Variants in MED23 observed in about 807,000 individuals in gnomAD.
The protein encoded by MED23 is mediator of RNA polymerase II transcription subunit 23.
In MED23, 105 loss-of-function variants were observed where a neutral mutation model predicts 163.9. The ratio of observed to expected loss-of-function variants is 0.64; its 90% CI spans 0.55 to 0.75. MED23 has a LOEUF of 0.75. Ranked by LOEUF, MED23 falls within the 30% of genes least tolerant of loss-of-function variation. MED23 has a pLI of 0.00. For synonymous variants in MED23, 561 were observed against 565.6 expected (o/e 0.99, Z 0.12); for missense variants, 1,054 against 1,649.0 (o/e 0.64, Z 6.25).
intron 9 of MED23, among the ~76,000 whole-genome samples, chr6:131,617,185 G>C (rs927298858): frequency 1.3e-5 from 2 of 150,688 alleles, no homozygotes; most frequent in Non-Finnish European, 3.0e-5. Flanking sequence ...TGGTTTCTAA[G>C]TCATCTTACG....
At chr6:131,607,081 C>T (rs1431991708) in intron 12 of MED23, among the ~76,000 whole-genome samples, 1 of 151,778 alleles carries the variant, frequency 6.6e-6, no homozygotes, top group Non-Finnish European at 1.5e-5. Flanking sequence ...AACATATTGA[C>T]TATTAATGGG....
At position 131,627,643 on chromosome 6, in the gene MED23, A is replaced by G; in HGVS notation, c.69T>C (p.Pro23=). The change falls in exon 2 of 29, where the codon CCT becomes CCC. Residue 23 remains proline (P), a splice_region_variant and synonymous_variant. Coordinates refer to ENST00000368068, the MANE Select transcript of MED23 (RefSeq NM_004830.4). The part of the protein sequence containing the change: ...VKTEVIEEAF[P]GMFMDTPEDE... ...AACTCTGCCACGCATACACTCACCC[A>G]GGAAAAGCCTCTTCTATAACTTCCG... The G allele has an allele frequency of 6.2e-7, 1 of 1,611,614 alleles. No homozygotes were observed. Among genetic ancestry groups the G allele is most frequent in the Non-Finnish European group, 8.5e-7 (1 of 1,178,786 alleles).
rs778376916 is a variant in MED23, at chr6:131,579,176, A to G, written c.4096-4881T>C. The G allele has an allele frequency of 9.9e-6, 16 of 1,614,026 alleles. No homozygotes were observed. The highest frequency in any genetic ancestry group is 1.4e-5 in the Non-Finnish European group (16 of 1,180,032). ...CATCCCTAATGACAGTCCCTTTCAAATTGTGAAGAATCCAAGGTCTGTGGG... is the reference window on the plus strand; with the variant it reads ...CATCCCTAATGACAGTCCCTTTCAAGTTGTGAAGAATCCAAGGTCTGTGGG... On this transcript the variant is annotated intron_variant, in intron 30 of 30. Transcript: ENST00000354577.
intron 4 of MED23, among the ~76,000 whole-genome samples, chr6:131,624,442 T>G (rs1214840242): frequency 1.3e-5 from 2 of 152,070 alleles, no homozygotes; most frequent in African/African-American, 4.8e-5. Flanking sequence ...GATATCTGAG[T>G]GGGGAAGCTT....
At chr6:131,609,397 T>C (rs146699830) in intron 11 of MED23, among the ~76,000 whole-genome samples, 21 of 152,142 alleles carry the variant, frequency 1.4e-4, no homozygotes, top group African/African-American at 3.6e-4. Flanking sequence ...GTTTTATTGC[T>C]AGGAAACACT....
rs1320176592 is a variant in MED23, at chr6:131,581,148, T to C, written c.4095+6561A>G. 5.4e-6 allele frequency: 8 copies of C among 1,490,556 alleles called. No homozygotes were observed. In the African/African-American group the frequency reaches 6.9e-5, roughly 13 times the overall value. 92.3% of individuals were successfully genotyped at this position (1,490,556 alleles called of 1,614,324 possible). ...CTCAAAGGAAAACCAAGTGGGAGCA[T>C]TGAGTGAATAATATGATGTATGTAG... On this transcript the variant is annotated intron_variant, in intron 30 of 30. Transcript: ENST00000354577.
At chr6:131,626,001 A>G (rs1410293607) in intron 3 of MED23, among the ~76,000 whole-genome samples, 1 of 151,686 alleles carries the variant, frequency 6.6e-6, no homozygotes, top group Non-Finnish European at 1.5e-5. Flanking sequence ...AGGTGCCTGT[A>G]GTCCCAGCTA....
downstream of MED23, chr6:131,582,934 T>C: frequency 1.3e-6 from 1 of 795,842 alleles, no homozygotes; most frequent in East Asian, 2.7e-5. Context: ...AATAAAACTA[T>C]ATTGAGTTAG....
chr6:131,574,136 G>A (rs541784328), exon 31 of MED23: 6 of 861,170 alleles, frequency 7.0e-6, no homozygotes, highest in East Asian at 2.5e-5. Context: ...ACTTCAACAC[G>A]CATCTGTGCT....
chr6:131,583,588 T>G, downstream of MED23: 1 of 1,552,274 alleles, frequency 6.4e-7, no homozygotes, highest in Non-Finnish European at 8.8e-7. Flanking sequence ...GCTGACACTT[T>G]CAGAATGTCC....
chr6:131,574,183 G>T, exon 31 of MED23: 1 of 1,297,828 alleles, frequency 7.7e-7, no homozygotes, highest in Non-Finnish European at 1.1e-6. Flanking sequence ...AATCAAACAA[G>T]ACAATGTATG....
At chr6:131,577,699 C>T (rs1299905594) in intron 30 of MED23, among the ~76,000 whole-genome samples, 2 of 151,650 alleles carry the variant, frequency 1.3e-5, no homozygotes, top group South Asian at 4.2e-4. Flanking sequence ...CTCAGGAGTT[C>T]AAGACCAGCC....
intron 30 of MED23, chr6:131,576,676 T>C (rs767211950): frequency 1.2e-6 from 2 of 1,613,770 alleles, no homozygotes; most frequent in South Asian, 2.2e-5. Context: ...CGAGGAGGGG[T>C]GGAAGAAGGC....
At chr6:131,600,646 C>T (rs1775400876) in intron 17 of MED23, among the ~76,000 whole-genome samples, 1 of 152,230 alleles carries the variant, frequency 6.6e-6, no homozygotes. Context: ...CAATAACTAT[C>T]TCTTTAAAAC....
chr6:131,597,485 AAAAAAAAAAAAAG>A (rs1775145060), intron 20 of MED23, among the ~76,000 whole-genome samples: 1 of 150,610 alleles, frequency 6.6e-6, no homozygotes, highest in Non-Finnish European at 1.5e-5. Flanking sequence ...CAAAAAAAAA[AAAAAAAAAAAAAG>A]AAAAAAAAAA....
At chr6:131,626,122 C>T (rs1445015755) in intron 3 of MED23, among the ~76,000 whole-genome samples, 1 of 59,690 alleles carries the variant, frequency 1.7e-5, no homozygotes, top group African/African-American at 4.9e-5. Context: ...ACTCTGTCTC[C>T]AAAAAAAAAA....
chr6:131,623,355 T>A lies in MED23; in HGVS notation c.392A>T (p.Tyr131Phe). ...LVRKIIGGVD[Y>F]KGVRDLLKVI... ...TTTATAATAAGAAAAATATACCTTG[T>A]AATCCACTCCCCCAATTATTTTCCG... The change falls in exon 5 of 29, where the codon TAC becomes TTC. Residue 131 changes from tyrosine (Y) to phenylalanine (F), a missense_variant. By Grantham distance (22) the Tyr-to-Phe change is conservative. Coordinates refer to ENST00000368068, the MANE Select transcript of MED23 (RefSeq NM_004830.4). The A allele has an allele frequency of 6.2e-7, 1 of 1,611,468 alleles. No individual in the cohort carries two copies. The highest frequency in any genetic ancestry group is 8.5e-7 in the Non-Finnish European group (1 of 1,177,598).
At chr6:131,607,687 T>C (rs149447027) in intron 12 of MED23, among the ~76,000 whole-genome samples, 102 of 151,894 alleles carry the variant, frequency 6.7e-4, no homozygotes, top group African/African-American at 2.4e-3. Context: ...AAAGAAAAAA[T>C]AGCTATTAAT....
At chr6:131,624,810 C>A in intron 4 of MED23, 55 bp downstream of exon 4, 1 of 1,599,794 alleles carries the variant, frequency 6.3e-7, no homozygotes. Flanking sequence ...CAACCAATTT[C>A]CAATCACATA....
Sources: allele counts gnomAD v4.1 joint callset (sites outside exome capture counted in the v4.1 genomes callset), GRCh38; gene constraint gnomAD v4.1.1; transcripts MANE v1.5; gene names NCBI Gene and HGNC (gene_info 2026-07-23, HGNC 2026-07-21).